Variants in AGBL2 observed in about 807,000 individuals in gnomAD.
AGBL2 encodes AGBL carboxypeptidase 2, also known as cytosolic carboxypeptidase 2.
In AGBL2, 87 loss-of-function variants were observed where a neutral mutation model predicts 103.0. The ratio of observed to expected loss-of-function variants is 0.84; its 90% CI spans 0.71 to 1.01. The LOEUF (loss-of-function observed/expected upper bound fraction) is 1.01, where lower values mean the gene tolerates loss of function less well. Ranked by LOEUF, AGBL2 falls within the 50% of genes least tolerant of loss-of-function variation. The probability of loss-of-function intolerance (pLI) is 0.00; values close to 1 mark genes in which losing one functional copy is unlikely to be tolerated. For missense variants in AGBL2, 904 were observed against 1,023.5 expected (o/e 0.88, Z 1.59); for synonymous variants, 335 against 356.7 (o/e 0.94, Z 0.69).
Position 47,667,073 on chromosome 11 carries a change from A to C in AGBL2, c.2341-10T>G. On this transcript the variant is annotated splice_polypyrimidine_tract_variant and intron_variant, in intron 16 of 18. Transcript: ENST00000525123. ...CAAATCCTGCCTTTTCCTAGGATTGAGTGAAAAGAGAATCTTTTTCAATTG... is the reference window on the plus strand; with the variant it reads ...CAAATCCTGCCTTTTCCTAGGATTGCGTGAAAAGAGAATCTTTTTCAATTG... The C allele has an allele frequency of 6.5e-7, 1 of 1,546,958 alleles. No homozygotes were observed. The highest frequency in any genetic ancestry group is 1.2e-5 in the South Asian group (1 of 83,500).
intron 11 of AGBL2, among the ~76,000 whole-genome samples, chr11:47,685,157 C>T (rs1376835176): frequency 6.6e-6 from 1 of 152,054 alleles, no homozygotes; most frequent in African/African-American, 2.4e-5. Context: ...TTGCAGTGAG[C>T]CAAGATTGCA....
intron 8 of AGBL2, 148 bp from the exon 9 acceptor site, chr11:47,692,404 C>CTTTTTTTTT (rs11286504): frequency 1.2e-4 from 12 of 99,056 alleles, no homozygotes; most frequent in African/African-American, 2.2e-4. Flanking sequence ...GACTTTTAAT[C>CTTTTTTTTT]TTTTTTTTTT....
At chr11:47,685,838 C>T (rs772441757) in intron 11 of AGBL2, 55 bp downstream of exon 11, 104 of 1,520,478 alleles carry the variant, frequency 6.8e-5, no homozygotes, top group Non-Finnish European at 9.0e-5. Flanking sequence ...ATATAGGAAG[C>T]AGTGAGTTCC....
intron 13 of AGBL2, among the ~76,000 whole-genome samples, chr11:47,679,084 A>G (rs1477546335): frequency 2.7e-5 from 4 of 149,360 alleles, no homozygotes; most frequent in Non-Finnish European, 5.9e-5. Flanking sequence ...AAAAAAAAAA[A>G]AAAAAGAAAA....
chr11:47,685,239 A>G (rs2097419332), intron 11 of AGBL2, among the ~76,000 whole-genome samples: 1 of 152,054 alleles, frequency 6.6e-6, no homozygotes, highest in Admixed American at 6.6e-5. Flanking sequence ...ACCACATTTT[A>G]TTTATCTGTT....
intron 5 of AGBL2, 85 bp downstream of exon 5, chr11:47,705,779 C>T: frequency 8.2e-7 from 1 of 1,217,872 alleles, no homozygotes; most frequent in East Asian, 2.3e-5. Context: ...TCTGGTAATT[C>T]TTAGGTCTGG....
chr11:47,679,395 G>GA (rs968230575), intron 13 of AGBL2, among the ~76,000 whole-genome samples: 14 of 146,286 alleles, frequency 9.6e-5, no homozygotes, highest in East Asian at 2.0e-4. Context: ...TGTCTCAAAA[G>GA]AAAAAAAAAA....
intron 11 of AGBL2, among the ~76,000 whole-genome samples, chr11:47,683,974 G>A (rs967039068): frequency 6.6e-6 from 1 of 150,678 alleles, no homozygotes; most frequent in Non-Finnish European, 1.5e-5. Context: ...TAGGCCGTGC[G>A]TGGCGTGGTG....
chr11:47,666,852 G>T, intron 17 of AGBL2, 104 bp downstream of exon 17: 1 of 776,014 alleles, frequency 1.3e-6, no homozygotes. Flanking sequence ...TGTCAGGTTA[G>T]GGTAACGTAA....
intron 13 of AGBL2, among the ~76,000 whole-genome samples, chr11:47,678,226 T>G (rs978425866): frequency 1.3e-5 from 2 of 151,892 alleles, no homozygotes; most frequent in Non-Finnish European, 1.5e-5. Context: ...CCTCCCAAAG[T>G]GCTGGGATTA....
At chr11:47,714,821 A>T (rs1331600614) in intron 1 of AGBL2, 71 bp from the exon 2 acceptor site, 1 of 657,606 alleles carries the variant, frequency 1.5e-6, no homozygotes, top group Non-Finnish European at 2.7e-6. Context: ...CTCCCTCTTG[A>T]CTTCAGAAAA....
intron 8 of AGBL2, among the ~76,000 whole-genome samples, chr11:47,692,568 C>T (rs1381433844): frequency 1.5e-4 from 23 of 151,448 alleles, no homozygotes; most frequent in African/African-American, 4.6e-4. Flanking sequence ...CCCACCACCA[C>T]GCCTGGCTAA....
chr11:47,670,355 GC>G (rs2097353790), intron 14 of AGBL2, among the ~76,000 whole-genome samples: 1 of 152,098 alleles, frequency 6.6e-6, no homozygotes, highest in African/African-American at 2.4e-5. Context: ...TAATGGTGGT[GC>G]CTCCTGTGGT....
intron 4 of AGBL2, among the ~76,000 whole-genome samples, chr11:47,706,301 G>A (rs978670709): frequency 3.3e-5 from 5 of 152,092 alleles, no homozygotes; most frequent in Non-Finnish European, 4.4e-5. Context: ...CGGATCACGA[G>A]GTCAGGAGAT....
Position 47,660,295 on chromosome 11 carries a change from A to G in AGBL2, c.2587T>C (p.Ser863Pro). The change falls in exon 19 of 19, where the codon TCC becomes CCC. Residue 863 changes from serine to proline, a missense_variant. Coordinates refer to ENST00000525123, the MANE Select transcript of AGBL2 (RefSeq NM_024783.4). ...ATACCTGGAGCTGGCTCTTGGCTGGAGTTTATGGTTCTCTTTGGAGAGCAT... is the reference window on the plus strand; with the variant it reads ...ATACCTGGAGCTGGCTCTTGGCTGGGGTTTATGGTTCTCTTTGGAGAGCAT... The part of the protein sequence containing the change: ...VSCSPKRTIN[S>P]SQEPAPGMKP... The G allele has an allele frequency of 6.2e-7, 1 of 1,614,186 alleles. No homozygotes were observed. The highest frequency in any genetic ancestry group is 8.5e-7 in the Non-Finnish European group (1 of 1,180,024).
In AGBL2 at chr11:47,692,570, C is replaced by T. The variant is rs1038893865; in HGVS notation, c.695-314G>A. On this transcript the variant is annotated intron_variant, in intron 8 of 18. Transcript: ENST00000525123. ...GGGACTACAGGCGCCCACCACCACGCCTGGCTAATTTTTTTGTATATTTAG... is the reference window on the plus strand; with the variant it reads ...GGGACTACAGGCGCCCACCACCACGTCTGGCTAATTTTTTTGTATATTTAG... Among the ~76,000 whole-genome samples the T allele has an allele frequency of 5.9e-5, 9 of 151,688 alleles. No individual in the cohort carries two copies. In the East Asian group the frequency reaches 1.6e-3, roughly 26 times the overall value.
At chr11:47,713,077 C>T (rs776906977) in intron 3 of AGBL2, among the ~76,000 whole-genome samples, 1 of 150,480 alleles carries the variant, frequency 6.6e-6, no homozygotes, top group Non-Finnish European at 1.5e-5. Context: ...GGTAAGCTCA[C>T]GTCTGTAATC....
Position 47,667,443 on chromosome 11 carries a change from A to G in AGBL2, c.2340+128T>C, listed in dbSNP as rs568175589. On this transcript the variant is annotated intron_variant, in intron 16 of 18. Transcript: ENST00000525123. ...CCTGGAAGGGTTCTGATCGCAAAAC[A>G]GAAAGTCTCCCTCTGCCCCAATCTC... The G allele has an allele frequency of 5.2e-5, 64 of 1,233,254 alleles. No homozygotes were observed. In the South Asian group the frequency reaches 8.4e-4, roughly 16 times the overall value. 76.4% of individuals were successfully genotyped at this position (1,233,254 alleles called of 1,614,324 possible).
intron 1 of AGBL2, 161 bp from the exon 2 acceptor site, chr11:47,714,911 C>A: frequency 2.0e-6 from 1 of 509,338 alleles, no homozygotes; most frequent in Non-Finnish European, 3.6e-6. Flanking sequence ...GGGAGGGCAG[C>A]GTATCTTCCC....
Sources: gnomAD v4.1 joint callset for allele counts (sites outside exome capture counted in the v4.1 genomes callset) on GRCh38, gnomAD v4.1.1 for gene constraint, MANE v1.5 for transcripts, NCBI Gene and HGNC (gene_info 2026-07-23, HGNC 2026-07-21) for gene names.